Variants in MAT1A observed in about 807,000 individuals in gnomAD.
MAT1A encodes the protein methionine adenosyltransferase 1A.
In MAT1A, 19 loss-of-function variants were observed where a neutral mutation model predicts 44.0. That is an observed-to-expected ratio of 0.43 (90% CI 0.30 to 0.63). MAT1A has a LOEUF of 0.63. MAT1A is among the 30% of genes least tolerant of loss of function. The pLI is 0.12. For missense variants in MAT1A, 397 were observed against 531.0 expected (o/e 0.75, Z 2.48); for synonymous variants, 205 against 205.6 (o/e 1.00, Z 0.03).
Position 80,273,721 on chromosome 10 carries a change from G to T in MAT1A, c.*60C>A. 1 of 1,228,596 alleles carries T rather than the reference G, an allele frequency of 8.1e-7. No homozygotes were observed. The highest frequency in any genetic ancestry group is 1.2e-6 in the Non-Finnish European group (1 of 830,858). 76.1% of individuals were successfully genotyped at this position (1,228,596 alleles called of 1,614,324 possible). A position where few individuals can be genotyped will look rare whatever the true frequency, so the allele number is the denominator to read the frequency against. The stretch of plus-strand genomic sequence containing the variant: ...GGCGATCAGCAGCCAGGCGTCTGGG[G>T]AAGAGGAGCATGGCCACCAGGTGCC... On this transcript the variant is annotated 3_prime_UTR_variant, in exon 9 of 9. Coordinates refer to ENST00000372213, the MANE Select transcript of MAT1A (RefSeq NM_000429.3).
intron 6 of MAT1A, among the ~76,000 whole-genome samples, chr10:80,276,166 C>T (rs1841483138): frequency 6.6e-6 from 1 of 152,186 alleles, no homozygotes; most frequent in Non-Finnish European, 1.5e-5. Context: ...GACATATCCC[C>T]CATTTCTTGC....
At chr10:80,279,064 G>A (rs1284487076) in intron 5 of MAT1A, among the ~76,000 whole-genome samples, 2 of 152,230 alleles carry the variant, frequency 1.3e-5, no homozygotes, top group Non-Finnish European at 2.9e-5. Context: ...GTGAATGCCA[G>A]AATAATAAGT....
In MAT1A at chr10:80,289,475, T is replaced by A. The variant is rs1841692776; in HGVS notation, c.-52A>T. On this transcript the variant is annotated 5_prime_UTR_variant, in exon 1 of 9. Transcript: ENST00000372213. ...CTTTCAGTGAACAATTTTGAGGCTG[T>A]GACTTTGCCTGAGTTTTTTTTTCTT... 7.1e-7 allele frequency: 1 copy of A among 1,408,392 alleles called. No homozygotes were observed. Among genetic ancestry groups the A allele is most frequent in the Non-Finnish European group, 1.0e-6 (1 of 1,001,678 alleles). 87.2% of individuals were successfully genotyped at this position (1,408,392 alleles called of 1,614,324 possible). A position where few individuals can be genotyped will look rare whatever the true frequency, so the allele number is the denominator to read the frequency against.
intron 5 of MAT1A, among the ~76,000 whole-genome samples, chr10:80,277,485 G>A (rs1343154571): frequency 6.6e-6 from 1 of 152,196 alleles, no homozygotes; most frequent in East Asian, 1.9e-4. Context: ...GGCCATGTAA[G>A]ATCTGCATGA....
At chr10:80,276,226 A>AGTCGGT in intron 6 of MAT1A, 150 bp downstream of exon 6, 1 of 787,256 alleles carries the variant, frequency 1.3e-6, no homozygotes, top group Non-Finnish European at 2.2e-6. Context: ...CTAAATGTAC[A>AGTCGGT]GAGGCCAAAA....
intron 5 of MAT1A, 30 bp from the exon 6 acceptor site, chr10:80,276,624 G>A (rs370430657): frequency 4.3e-5 from 68 of 1,599,968 alleles, no homozygotes; most frequent in Non-Finnish European, 5.7e-5. Context: ...GGGAGATACT[G>A]TGAGGCTGAG....
rs1465739935 is a variant in MAT1A at position 80,284,001 on chromosome 10, A to C, written c.207T>G (p.Gly69=). 1.2e-6 allele frequency: 2 copies of C among 1,614,160 alleles called. No individual in the cohort carries two copies. Among genetic ancestry groups the C allele is most frequent in the Non-Finnish European group, 8.5e-7 (1 of 1,180,022 alleles). The change falls in exon 3 of 9, where the codon GGT becomes GGG. Residue 69 remains glycine (G), a synonymous_variant. Coordinates refer to ENST00000372213, the MANE Select transcript of MAT1A (RefSeq NM_000429.3). ...CCACCATGGCCATTGAGGTGATCTC[A>C]CCACACAGCAGCACCATGCCGGTCT... ...VCKTGMVLLC[G]EITSMAMVDY...
At chr10:80,274,899 A>G (rs1841462362) in intron 7 of MAT1A, 118 bp downstream of exon 7, 1 of 1,358,968 alleles carries the variant, frequency 7.4e-7, no homozygotes, top group Middle Eastern at 2.5e-4. Flanking sequence ...CAATCACACA[A>G]TCACAACCTT....
intron 3 of MAT1A, among the ~76,000 whole-genome samples, chr10:80,281,203 G>A (rs1474036941): frequency 6.6e-6 from 1 of 152,092 alleles, no homozygotes; most frequent in Non-Finnish European, 1.5e-5. Flanking sequence ...ACTGCACTAG[G>A]AGAAAATCAA....
At chr10:80,284,088 G>A (rs1841609216) in intron 2 of MAT1A, 50 bp from the exon 3 acceptor site, 7 of 1,604,710 alleles carry the variant, frequency 4.4e-6, no homozygotes, top group Non-Finnish European at 5.1e-6. Context: ...TGCCAGCAAA[G>A]GGAAGCTCAC....
At chr10:80,286,392 A>G (rs563781170) in intron 1 of MAT1A, among the ~76,000 whole-genome samples, 1 of 152,140 alleles carries the variant, frequency 6.6e-6, no homozygotes, top group Non-Finnish European at 1.5e-5. Context: ...ACCCAAGTAC[A>G]TGACTCCACC....
At chr10:80,274,461 T>C in intron 8 of MAT1A, 59 bp downstream of exon 8, 1 of 1,611,078 alleles carries the variant, frequency 6.2e-7, no homozygotes, top group Non-Finnish European at 8.5e-7. Context: ...TCAGGTGAGG[T>C]GAGCATCTGG....
intron 5 of MAT1A, among the ~76,000 whole-genome samples, chr10:80,279,528 G>T (rs1170508618): frequency 1.3e-5 from 2 of 152,078 alleles, no homozygotes; most frequent in Admixed American, 6.5e-5. Flanking sequence ...GCTCATTGGG[G>T]TTAAGCAGGG....
chr10:80,287,284 A>ATTGTTT (rs1484332158), intron 1 of MAT1A, among the ~76,000 whole-genome samples: 1 of 152,224 alleles, frequency 6.6e-6, no homozygotes, highest in Non-Finnish European at 1.5e-5. Context: ...TTGTTTCTGA[A>ATTGTTT]TTGTTTTTGT....
chr10:80,280,619 A>T (rs1841553972), intron 4 of MAT1A, 61 bp downstream of exon 4: 12 of 1,413,462 alleles, frequency 8.5e-6, no homozygotes, highest in South Asian at 3.4e-5. Flanking sequence ...TGATTAACCC[A>T]CTGCTCATGA....
At chr10:80,282,530 T>A (rs1166866993) in intron 3 of MAT1A, among the ~76,000 whole-genome samples, 1 of 152,206 alleles carries the variant, frequency 6.6e-6, no homozygotes, top group Non-Finnish European at 1.5e-5. Flanking sequence ...GGTCTAAATG[T>A]ACATAAACAA....
chr10:80,274,682 G>A (rs767302382), intron 7 of MAT1A, 29 bp from the exon 8 acceptor site: 2 of 1,613,830 alleles, frequency 1.2e-6, no homozygotes, highest in Non-Finnish European at 1.7e-6. Flanking sequence ...GTCAGGGATT[G>A]AAGCCTCTGT....
intron 1 of MAT1A, among the ~76,000 whole-genome samples, chr10:80,288,123 G>A (rs1377637314): frequency 1.3e-5 from 2 of 152,284 alleles, no homozygotes; most frequent in Non-Finnish European, 1.5e-5. Flanking sequence ...CAAGTTACAA[G>A]GTAGGAAAGA....
intron 3 of MAT1A, among the ~76,000 whole-genome samples, chr10:80,281,032 G>A (rs1217244430): frequency 2.0e-5 from 3 of 152,140 alleles, no homozygotes; most frequent in African/African-American, 7.2e-5. Context: ...ATTTTACTGT[G>A]CTCAATTAGA....
Sources: gnomAD v4.1 joint callset for allele counts (sites outside exome capture counted in the v4.1 genomes callset) on GRCh38, gnomAD v4.1.1 for gene constraint, MANE v1.5 for transcripts, NCBI Gene and HGNC (gene_info 2026-07-23, HGNC 2026-07-21) for gene names.